Variants in ZNF438 observed in about 807,000 individuals in gnomAD.
ZNF438 encodes the protein zinc finger protein 438.
ZNF438 carries 25 observed loss-of-function variants against 38.0 expected under a neutral mutation model. The ratio of observed to expected loss-of-function variants is 0.66; its 90% CI spans 0.48 to 0.92. The LOEUF is 0.92. Among genes scored for constraint, ZNF438 ranks in the 40% least tolerant of loss-of-function variants. The pLI, the probability that ZNF438 is intolerant of heterozygous loss-of-function variation, is 0.00. For synonymous variants in ZNF438, 372 were observed against 364.1 expected (o/e 1.02, Z -0.25); for missense variants, 1,007 against 999.6 (o/e 1.01, Z -0.10).
chr10:30,946,147 T>C (rs1187147438), intron 1 of ZNF438, among the ~76,000 whole-genome samples: 2 of 152,046 alleles, frequency 1.3e-5, no homozygotes, highest in African/African-American at 4.8e-5. Context: ...ATTTCTCTGA[T>C]GGCCAGTGAT....
intron 1 of ZNF438, among the ~76,000 whole-genome samples, chr10:30,951,275 A>G (rs1339996427): frequency 2.7e-5 from 4 of 150,622 alleles, no homozygotes; most frequent in Admixed American, 6.6e-5. Context: ...ATCTATGACA[A>G]ACCCACAGCC....
intron 2 of ZNF438, among the ~76,000 whole-genome samples, chr10:30,936,220 A>T (rs1436657092): frequency 6.6e-6 from 1 of 152,214 alleles, no homozygotes; most frequent in African/African-American, 2.4e-5. Context: ...ATGGAGTTAA[A>T]GTGGAAAAAT....
At chr10:30,950,030 G>C (rs2047973724) in intron 1 of ZNF438, among the ~76,000 whole-genome samples, 2 of 151,864 alleles carry the variant, frequency 1.3e-5, no homozygotes, top group African/African-American at 4.8e-5. Context: ...TAAAAGAACA[G>C]AAATTATAAC....
intron 3 of ZNF438, among the ~76,000 whole-genome samples, chr10:30,897,785 CAT>C (rs1457351174): frequency 3.3e-5 from 5 of 152,240 alleles, no homozygotes; most frequent in Non-Finnish European, 7.4e-5. Flanking sequence ...GTGGTGAGGA[CAT>C]GTGGGGGCAG....
intron 4 of ZNF438, among the ~76,000 whole-genome samples, chr10:30,867,099 G>T (rs1282648573): frequency 2.0e-5 from 3 of 152,024 alleles, no homozygotes; most frequent in African/African-American, 7.2e-5. Flanking sequence ...ACAAACTTTG[G>T]CATAGTATCA....
At chr10:30,902,167 T>C (rs893163317) in intron 3 of ZNF438, among the ~76,000 whole-genome samples, 1 of 152,182 alleles carries the variant, frequency 6.6e-6, no homozygotes, top group Non-Finnish European at 1.5e-5. Flanking sequence ...AGCCTGCTTT[T>C]ATTCTCTTAT....
At chr10:30,918,882 T>C (rs142544550) in intron 2 of ZNF438, 172 of 152,316 alleles carry the variant, frequency 1.1e-3, no homozygotes, top group African/African-American at 3.8e-3. Flanking sequence ...TATGGGACTT[T>C]TGCTACCTAA....
intron 4 of ZNF438, among the ~76,000 whole-genome samples, chr10:30,872,135 C>T (rs1462024952): frequency 6.6e-6 from 1 of 151,978 alleles, no homozygotes; most frequent in African/African-American, 2.4e-5. Context: ...GTGGCTCAGG[C>T]CTGTAATCCC....
chr10:30,936,363 A>C (rs1368743050), intron 2 of ZNF438, among the ~76,000 whole-genome samples: 2 of 152,356 alleles, frequency 1.3e-5, no homozygotes, highest in East Asian at 3.9e-4. Context: ...GATTAGCAGA[A>C]ATCTAAATAG....
intron 1 of ZNF438, among the ~76,000 whole-genome samples, chr10:30,952,345 G>C (rs1331485664): frequency 6.6e-6 from 1 of 151,400 alleles, no homozygotes; most frequent in Non-Finnish European, 1.5e-5. Context: ...GCATGGGCAA[G>C]GACTTCATGT....
chr10:30,938,797 A>G (rs2046522978), intron 2 of ZNF438, among the ~76,000 whole-genome samples: 1 of 151,172 alleles, frequency 6.6e-6, no homozygotes, highest in South Asian at 2.1e-4. Flanking sequence ...TTATTTATTT[A>G]TTTATTTATT....
intron 3 of ZNF438, among the ~76,000 whole-genome samples, chr10:30,901,159 C>T (rs1022687090): frequency 6.6e-6 from 1 of 152,188 alleles, no homozygotes; most frequent in South Asian, 2.1e-4. Context: ...GAAATCACAA[C>T]CCATTTGCAC....
intron 1 of ZNF438, among the ~76,000 whole-genome samples, chr10:31,025,109 T>C (rs984275671): frequency 1.3e-5 from 2 of 152,196 alleles, no homozygotes; most frequent in Non-Finnish European, 2.9e-5. Flanking sequence ...CACAATCCTT[T>C]GTCCAAGTCA....
At chr10:30,948,655 G>A (rs2047757224) in intron 1 of ZNF438, among the ~76,000 whole-genome samples, 1 of 150,998 alleles carries the variant, frequency 6.6e-6, no homozygotes, top group African/African-American at 2.4e-5. Flanking sequence ...TATCAGCGAT[G>A]GAAGATGAAA....
intron 1 of ZNF438, among the ~76,000 whole-genome samples, chr10:30,965,934 T>G (rs1490300726): frequency 6.6e-6 from 1 of 152,204 alleles, no homozygotes; most frequent in Non-Finnish European, 1.5e-5. Flanking sequence ...TTGAAATGAT[T>G]TTTAAAAATA....
intron 1 of ZNF438, among the ~76,000 whole-genome samples, chr10:30,951,820 C>T (rs929604440): frequency 2.0e-5 from 3 of 150,666 alleles, no homozygotes; most frequent in Non-Finnish European, 3.0e-5. Context: ...AATGGCCATA[C>T]TGCCCAAGGT....
chr10:30,880,736 CA>C (rs992697216), intron 3 of ZNF438, among the ~76,000 whole-genome samples: 1 of 151,990 alleles, frequency 6.6e-6, no homozygotes, highest in Non-Finnish European at 1.5e-5. Context: ...AGCACAGATG[CA>C]AAAGTAATAA....
chr10:30,917,819 A>C (rs1342906805), intron 2 of ZNF438, among the ~76,000 whole-genome samples: 1 of 152,076 alleles, frequency 6.6e-6, no homozygotes, highest in Non-Finnish European at 1.5e-5. Flanking sequence ...AATGAAGTCT[A>C]TTCTTTAAAG....
intron 1 of ZNF438, among the ~76,000 whole-genome samples, chr10:30,967,672 T>A (rs1371890105): frequency 6.6e-6 from 1 of 152,188 alleles, no homozygotes; most frequent in East Asian, 1.9e-4. Context: ...ATTAAAGGAT[T>A]TCTTCTGGGA....
Sources: allele counts gnomAD v4.1 joint callset (sites outside exome capture counted in the v4.1 genomes callset), GRCh38; gene constraint gnomAD v4.1.1; transcripts MANE v1.5; gene names NCBI Gene and HGNC (gene_info 2026-07-23, HGNC 2026-07-21).